Variants in TRAPPC11 observed in about 807,000 individuals in gnomAD.
TRAPPC11 encodes the protein trafficking protein particle complex subunit 11.
A neutral mutation model predicts 151.2 loss-of-function variants in TRAPPC11; 104 were observed. That is an observed-to-expected ratio of 0.69 (90% CI 0.59 to 0.81). TRAPPC11 has a LOEUF of 0.81. TRAPPC11 is among the 30% of genes least tolerant of loss of function. The pLI, the probability that TRAPPC11 is intolerant of heterozygous loss-of-function variation, is 0.00. For missense variants in TRAPPC11, 1,230 were observed against 1,349.6 expected, an observed-to-expected ratio of 0.91 and a Z score of 1.39; for synonymous variants, 456 against 472.3, an observed-to-expected ratio of 0.97 and a Z score of 0.45.
At chr4:183,702,586 C>T (rs1458253245) in intron 26 of TRAPPC11, among the ~76,000 whole-genome samples, 1 of 152,026 alleles carries the variant, frequency 6.6e-6, no homozygotes, top group Non-Finnish European at 1.5e-5. Context: ...GAAAAACATG[C>T]TATGTATTTC....
intron 26 of TRAPPC11, among the ~76,000 whole-genome samples, chr4:183,702,811 A>T (rs1044947206): frequency 5.9e-5 from 9 of 152,296 alleles, no homozygotes; most frequent in African/African-American, 2.2e-4. Flanking sequence ...TATTTTCAGA[A>T]ATTTTAAAAC....
intron 28 of TRAPPC11, among the ~76,000 whole-genome samples, chr4:183,707,558 C>T (rs1174663344): frequency 6.6e-6 from 1 of 152,060 alleles, no homozygotes; most frequent in African/African-American, 2.4e-5. Context: ...ACAGAGATGA[C>T]CCTCCAAAGT....
intron 10 of TRAPPC11, among the ~76,000 whole-genome samples, chr4:183,681,154 A>G (rs75707400): frequency 0.29 from 43,716 of 151,086 alleles, 6,651 homozygotes; most frequent in African/African-American, 0.38. Flanking sequence ...AAATATATTT[A>G]TATTTATATT....
chr4:183,704,690 G>A (rs1736966440), intron 26 of TRAPPC11, among the ~76,000 whole-genome samples: 1 of 152,026 alleles, frequency 6.6e-6, no homozygotes. Context: ...GCGGGCGCCT[G>A]TAGTTCCAGC....
intron 29 of TRAPPC11, among the ~76,000 whole-genome samples, chr4:183,709,770 G>A (rs1361256116): frequency 6.6e-6 from 1 of 152,118 alleles, no homozygotes; most frequent in Non-Finnish European, 1.5e-5. Flanking sequence ...GCGAGACACT[G>A]TCTCAAAATA....
rs1285587589 is a variant in TRAPPC11 at position 183,697,861 on chromosome 4, AG to A, written c.2851+27del. 45 of 1,603,548 alleles carry A rather than the reference AG, an allele frequency of 2.8e-5. No individual in the cohort carries two copies. The Admixed American group carries it at 5.9e-4, about 21-fold the overall frequency. On this transcript the variant is annotated intron_variant, in intron 25 of 29. Coordinates refer to ENST00000334690, the MANE Select transcript of TRAPPC11 (RefSeq NM_021942.6). ...GTGAGTCTGGTTCATTCCCACTTAAAGACCAGGAGAATTGTGCGCGCGTGTG... is the reference window on the plus strand; with the variant it reads ...GTGAGTCTGGTTCATTCCCACTTAAAACCAGGAGAATTGTGCGCGCGTGTG...
chr4:183,686,835 T>G lies in TRAPPC11; in HGVS notation c.1893+87T>G, dbSNP rs182636751. 3 of 1,449,986 alleles carry G rather than the reference T, an allele frequency of 2.1e-6. No individual in the cohort carries two copies. The Admixed American group carries it at 5.7e-5, about 28-fold the overall frequency. The allele number at this position is 1,449,986 out of a possible 1,614,324, so 89.8% of individuals were successfully genotyped here. On this transcript the variant is annotated intron_variant, in intron 18 of 29. Coordinates refer to ENST00000334690, the MANE Select transcript of TRAPPC11 (RefSeq NM_021942.6). ...GATAAAATGAGCTTAGTGAATTTTA[T>G]GTCTTAATGGTTTCATAGTAACAAA...
At position 183,706,477 on chromosome 4, in the gene TRAPPC11, A is replaced by C. The variant is rs549420677; in HGVS notation, c.3056-330A>C. ...GGCGGAGCTTGCAGTGAGCCGAGAT[A>C]GCACCACTGCACTCCAGCCTGGGTG... On this transcript the variant is annotated intron_variant, in intron 27 of 29. Coordinates refer to ENST00000334690, the MANE Select transcript of TRAPPC11 (RefSeq NM_021942.6). Among the ~76,000 whole-genome samples, 37 of 151,730 alleles carry C rather than the reference A, an allele frequency of 2.4e-4. No individual in the cohort carries two copies. In the South Asian group the frequency reaches 3.3e-3, roughly 14 times the overall value.
chr4:183,670,752 T>C (rs1380223369), intron 5 of TRAPPC11, among the ~76,000 whole-genome samples: 1 of 152,024 alleles, frequency 6.6e-6, no homozygotes, highest in Non-Finnish European at 1.5e-5. Context: ...ACTACAGGCA[T>C]GCACCACCAC....
chr4:183,663,315 C>G (rs1009677723), intron 1 of TRAPPC11, among the ~76,000 whole-genome samples: 10 of 152,270 alleles, frequency 6.6e-5, no homozygotes, highest in South Asian at 2.1e-4. Context: ...CTCACTGCAA[C>G]CTCCACCTCC....
chr4:183,691,392 T>G lies in TRAPPC11; in HGVS notation c.1970T>G (p.Met657Arg). ...TTAGAAAATCTGACTCAAGGAAAGA[T>G]GTGCCTAGTTCCTGGCAAAACAAGA... Reference protein sequence around the residue: ...EVLENLTQGKMCLVPGKTRKL... With the variant: ...EVLENLTQGKRCLVPGKTRKL... The change falls in exon 19 of 30, where the codon ATG (methionine) becomes AGG (arginine). Residue 657 changes from methionine (M) to arginine (R), a missense_variant. By Grantham distance (91) the Met-to-Arg change is moderately conservative. Transcript: ENST00000334690. 2 of 1,566,522 alleles carry G rather than the reference T, an allele frequency of 1.3e-6. No homozygotes were observed. Among genetic ancestry groups the G allele is most frequent in the Non-Finnish European group, 1.7e-6 (2 of 1,149,838 alleles).
intron 18 of TRAPPC11, among the ~76,000 whole-genome samples, chr4:183,688,302 A>G (rs1370756122): frequency 2.6e-5 from 4 of 152,176 alleles, no homozygotes; most frequent in Non-Finnish European, 5.9e-5. Flanking sequence ...AGATGAAATT[A>G]CGATAGGTCG....
intron 18 of TRAPPC11, among the ~76,000 whole-genome samples, chr4:183,687,373 T>C (rs1736035971): frequency 6.6e-6 from 1 of 152,054 alleles, no homozygotes; most frequent in Admixed American, 6.6e-5. Flanking sequence ...GGGGTCTCGC[T>C]CTGTTGCCCA....
At chr4:183,698,634 A>G (rs556152243) in intron 25 of TRAPPC11, among the ~76,000 whole-genome samples, 3 of 152,356 alleles carry the variant, frequency 2.0e-5, no homozygotes, top group African/African-American at 7.2e-5. Flanking sequence ...GAAATAGCTC[A>G]GTGCTCATTT....
chr4:183,685,645 A>G (rs1735928597), intron 17 of TRAPPC11, among the ~76,000 whole-genome samples: 1 of 152,136 alleles, frequency 6.6e-6, no homozygotes, highest in Non-Finnish European at 1.5e-5. Flanking sequence ...TATTAGAAAC[A>G]CCTGACAGTT....
intron 3 of TRAPPC11, chr4:183,666,787 G>A (rs913536874): frequency 2.3e-6 from 1 of 432,656 alleles, no homozygotes; most frequent in Non-Finnish European, 4.1e-6. Context: ...CCATAAAGAA[G>A]TAAGTTGCAT....
intron 26 of TRAPPC11, among the ~76,000 whole-genome samples, chr4:183,702,679 G>T (rs372724316): frequency 6.6e-6 from 1 of 152,188 alleles, no homozygotes; most frequent in Non-Finnish European, 1.5e-5. Flanking sequence ...TTACCTTTGG[G>T]ATGGGGGGAT....
intron 18 of TRAPPC11, among the ~76,000 whole-genome samples, chr4:183,689,418 C>G (rs1736140992): frequency 6.6e-6 from 1 of 151,982 alleles, no homozygotes; most frequent in Non-Finnish European, 1.5e-5. Context: ...TCAGGGAAGC[C>G]TCCCCTGACT....
intron 25 of TRAPPC11, among the ~76,000 whole-genome samples, chr4:183,698,197 TATTA>T (rs1736641155): frequency 6.6e-6 from 1 of 152,222 alleles, no homozygotes; most frequent in Non-Finnish European, 1.5e-5. Context: ...AAAAGGTATT[TATTA>T]AAGAAACTTT....
Sources: allele counts gnomAD v4.1 joint callset (sites outside exome capture counted in the v4.1 genomes callset), GRCh38; gene constraint gnomAD v4.1.1; transcripts MANE v1.5; gene names NCBI Gene and HGNC (gene_info 2026-07-23, HGNC 2026-07-21).